Variants in FRK observed in about 807,000 individuals in gnomAD.
FRK encodes tyrosine-protein kinase FRK.
Under a neutral mutation model 56.4 loss-of-function variants are expected in FRK, and 51 were observed. The observed-to-expected ratio is 0.90, with a 90% CI of 0.72 to 1.14. FRK has a LOEUF of 1.14. FRK is among the 50% of genes most tolerant of loss of function. The pLI is 0.00. For synonymous variants in FRK, 245 were observed against 217.9 expected (o/e 1.12, Z -1.10); for missense variants, 570 against 601.4 (o/e 0.95, Z 0.55).
At chr6:116,044,447 A>G (rs1432267375) in intron 1 of FRK, among the ~76,000 whole-genome samples, 1 of 152,220 alleles carries the variant, frequency 6.6e-6, no homozygotes, top group Non-Finnish European at 1.5e-5. Context: ...AACAATAAGC[A>G]TAATCCATCA....
rs894390825 is a variant in FRK, at chr6:115,937,842, C to T, written c.*4572G>A. 2 of 152,176 alleles carry T rather than the reference C, an allele frequency of 1.3e-5. No homozygotes were observed. Among genetic ancestry groups the T allele is most frequent in the African/African-American group, 4.8e-5 (2 of 41,434 alleles). 9.4% of individuals were successfully genotyped at this position (152,176 alleles called of 1,614,324 possible). On this transcript the variant is annotated 3_prime_UTR_variant, in exon 8 of 8. Transcript: ENST00000606080. ...ATTCATAAAGCAAGTTCTTAGAGAA[C>T]TACAAAGAGACTTAGACTCCCACAC...
At chr6:116,055,437 T>C (rs891607767) in intron 1 of FRK, among the ~76,000 whole-genome samples, 7 of 152,284 alleles carry the variant, frequency 4.6e-5, no homozygotes, top group African/African-American at 1.7e-4. Flanking sequence ...CCTTTCACAG[T>C]AATAAGAGGA....
intron 1 of FRK, among the ~76,000 whole-genome samples, chr6:116,042,594 A>T (rs1187558396): frequency 6.6e-6 from 1 of 152,208 alleles, no homozygotes; most frequent in African/African-American, 2.4e-5. Flanking sequence ...AGTACTAAAT[A>T]TGGACAGGAA....
intron 2 of FRK, among the ~76,000 whole-genome samples, chr6:115,989,420 C>T (rs1230614935): frequency 6.6e-6 from 1 of 151,890 alleles, no homozygotes; most frequent in East Asian, 1.9e-4. Flanking sequence ...TAAATAGATA[C>T]ATTTTTAAAC....
chr6:115,952,400 A>C (rs1351469596), intron 5 of FRK, among the ~76,000 whole-genome samples: 2 of 152,134 alleles, frequency 1.3e-5, no homozygotes, highest in African/African-American at 2.4e-5. Flanking sequence ...TAGAATGGCA[A>C]TCATTAAAAA....
At chr6:116,048,186 C>A (rs1209114540) in intron 1 of FRK, among the ~76,000 whole-genome samples, 2 of 152,162 alleles carry the variant, frequency 1.3e-5, no homozygotes, top group Admixed American at 6.5e-5. Flanking sequence ...ATAGAGTTGG[C>A]TCTTTGCCTT....
At chr6:116,039,389 G>C in intron 1 of FRK, 1 of 1,557,872 alleles carries the variant, frequency 6.4e-7, no homozygotes. Flanking sequence ...TCTGTGATGG[G>C]GGCAACCTGC....
intron 1 of FRK, among the ~76,000 whole-genome samples, chr6:116,013,481 C>A (rs891673328): frequency 1.6e-4 from 24 of 152,064 alleles, no homozygotes; most frequent in Non-Finnish European, 2.4e-4. Context: ...TTTTGTACAA[C>A]ATTTGTGATA....
At chr6:115,989,782 T>A (rs1462804673) in intron 2 of FRK, among the ~76,000 whole-genome samples, 4 of 151,980 alleles carry the variant, frequency 2.6e-5, no homozygotes, top group African/African-American at 4.8e-5. Context: ...TAACCATTTC[T>A]TTCACTTTGT....
At chr6:116,013,470 A>C (rs1391937405) in intron 1 of FRK, among the ~76,000 whole-genome samples, 1 of 152,146 alleles carries the variant, frequency 6.6e-6, no homozygotes, top group Non-Finnish European at 1.5e-5. Flanking sequence ...ATCTGCTTTG[A>C]TTTTGTACAA....
chr6:116,059,845 G>C (rs1777549701), intron 1 of FRK, 123 bp downstream of exon 1: 9 of 817,198 alleles, frequency 1.1e-5, no homozygotes, highest in Non-Finnish European at 7.8e-6. Context: ...TTTCTTGCCA[G>C]TACTTCCTCA....
intron 1 of FRK, among the ~76,000 whole-genome samples, chr6:116,011,468 C>T (rs536144460): frequency 6.6e-6 from 1 of 151,244 alleles, no homozygotes; most frequent in Admixed American, 6.6e-5. Context: ...AAGACTAGTT[C>T]CAGGAAAAAA....
At chr6:115,993,168 A>G (rs1486023083) in intron 2 of FRK, among the ~76,000 whole-genome samples, 1 of 151,794 alleles carries the variant, frequency 6.6e-6, no homozygotes, top group African/African-American at 2.4e-5. Context: ...TATACAAATA[A>G]AGGCGAGAGA....
In FRK at chr6:115,942,407, C is replaced by T; in HGVS notation, c.*7G>A. Reference sequence around the variant, plus strand: ...CTACTTTATTATTTGATATTCTTCTCCAGTGTTCATCTTATGAAGTTATTT... The same window carrying T: ...CTACTTTATTATTTGATATTCTTCTTCAGTGTTCATCTTATGAAGTTATTT... On this transcript the variant is annotated 3_prime_UTR_variant, in exon 8 of 8. Transcript: ENST00000606080. The T allele has an allele frequency of 1.9e-6, 3 of 1,599,414 alleles. No homozygotes were observed. Among genetic ancestry groups the T allele is most frequent in the African/African-American group, 1.3e-5 (1 of 74,700 alleles).
the FRK span, among the ~76,000 whole-genome samples, chr6:116,081,626 C>G: frequency 3.3e-5 from 5 of 151,706 alleles, no homozygotes; most frequent in Non-Finnish European, 7.4e-5. Context: ...CCACTGCACT[C>G]CAACCTAGGC....
At chr6:115,952,375 C>T (rs28872222) in intron 5 of FRK, among the ~76,000 whole-genome samples, 13 of 152,026 alleles carry the variant, frequency 8.6e-5, no homozygotes, top group African/African-American at 3.1e-4. Flanking sequence ...CAATGAAATA[C>T]CATCTCACAC....
the FRK span, among the ~76,000 whole-genome samples, chr6:116,075,465 G>GA: frequency 0.55 from 74,320 of 136,356 alleles, 19,732 homozygotes; most frequent in East Asian, 0.77. Context: ...AGAGCTGGGG[G>GA]AAAAAAAAAA....
At chr6:116,003,377 G>A (rs552545668) in intron 2 of FRK, among the ~76,000 whole-genome samples, 37 of 152,316 alleles carry the variant, frequency 2.4e-4, no homozygotes, top group Admixed American at 4.6e-4. Context: ...CTGGGGCAGT[G>A]TAAACACGTA....
At chr6:116,080,894 T>C in the FRK span, among the ~76,000 whole-genome samples, 1 of 152,210 alleles carries the variant, frequency 6.6e-6, no homozygotes, top group African/African-American at 2.4e-5. Context: ...GTTGTATTAG[T>C]CTGTTCTCAT....
Sources: gnomAD v4.1 joint callset for allele counts (sites outside exome capture counted in the v4.1 genomes callset) on GRCh38, gnomAD v4.1.1 for gene constraint, MANE v1.5 for transcripts, NCBI Gene and HGNC (gene_info 2026-07-23, HGNC 2026-07-21) for gene names.